Variants in REPS2 observed in about 807,000 individuals in gnomAD.
REPS2 encodes the protein RALBP1 associated Eps domain containing 2, also known as ralBP1-associated Eps domain-containing protein 2.
A neutral mutation model predicts 53.6 loss-of-function variants in REPS2; 23 were observed. The ratio of observed to expected loss-of-function variants is 0.43; its 90% confidence interval spans 0.31 to 0.61. REPS2 has a LOEUF of 0.61. REPS2 is among the 20% of genes least tolerant of loss of function. REPS2 has a pLI of 0.11. For missense variants in REPS2, 446 were observed against 534.9 expected, an observed-to-expected ratio of 0.83 and a Z score of 1.64; for synonymous variants, 238 against 218.6, an observed-to-expected ratio of 1.09 and a Z score of -0.78.
chrX:17,092,059 G>C (rs112829593), intron 13 of REPS2, among the ~76,000 whole-genome samples: 2,809 of 111,367 alleles, frequency 0.025, 92 homozygotes, highest in African/African-American at 0.087. Context: ...TCCTAGTTAG[G>C]GGGGATGGGA....
At chrX:17,192,218 G>A in the REPS2 span, among the ~76,000 whole-genome samples, 234 of 112,581 alleles carry the variant, frequency 2.1e-3, 2 homozygotes, top group African/African-American at 7.2e-3. Context: ...GCACGCATGA[G>A]CGTGCATGTG....
chrX:17,095,909 T>A (rs996277927), intron 13 of REPS2, among the ~76,000 whole-genome samples: 7 of 112,059 alleles, frequency 6.2e-5, no homozygotes, highest in African/African-American at 2.3e-4. Flanking sequence ...CTTTCTCAGA[T>A]CTGTCTAGTC....
At chrX:17,118,156 T>C (rs1176898181) in intron 14 of REPS2, among the ~76,000 whole-genome samples, 1 of 105,766 alleles carries the variant, frequency 9.5e-6, no homozygotes, top group Non-Finnish European at 1.9e-5. Flanking sequence ...AGACGGGGTT[T>C]CACCATTTTA....
chrX:16,947,151 C>G lies in REPS2; in HGVS notation c.273+17C>G. On this transcript the variant is annotated intron_variant, in intron 1 of 17. Coordinates refer to ENST00000357277, the MANE Select transcript of REPS2 (RefSeq NM_004726.3). ...CTGCACCAGGTGGGTCCCTCCGCCTCCTGTCCCTGCGGGTCTGTGGGGCAG... is the reference window on the plus strand; with the variant it reads ...CTGCACCAGGTGGGTCCCTCCGCCTGCTGTCCCTGCGGGTCTGTGGGGCAG... 9.5e-7 allele frequency: 1 copy of G among 1,049,395 alleles called. No individual in the cohort carries two copies. Among genetic ancestry groups the G allele is most frequent in the Non-Finnish European group, 1.2e-6 (1 of 819,561 alleles). 86.5% of individuals were successfully genotyped at this position (1,049,395 alleles called of 1,213,427 possible). A position where few individuals can be genotyped will look rare whatever the true frequency, so the allele number is the denominator to read the frequency against.
At chrX:17,023,427 C>CAA (rs11304206) in intron 3 of REPS2, among the ~76,000 whole-genome samples, 1 of 86,661 alleles carries the variant, frequency 1.2e-5, no homozygotes. Flanking sequence ...GACTGTGTCT[C>CAA]AAAAAAAAAA....
At chrX:17,136,396 C>T (rs759709606) in intron 16 of REPS2, 2 of 110,810 alleles carry the variant, frequency 1.8e-5, no homozygotes, top group African/African-American at 3.3e-5. Context: ...ATATTTTGTT[C>T]ATCACATTCA....
At chrX:17,092,265 C>T (rs1206316291) in intron 13 of REPS2, among the ~76,000 whole-genome samples, 1 of 111,855 alleles carries the variant, frequency 8.9e-6, no homozygotes, top group Non-Finnish European at 1.9e-5. Context: ...TTATGAATAA[C>T]ATTTTACCTA....
At chrX:17,048,525 C>T (rs1229807126) in intron 6 of REPS2, among the ~76,000 whole-genome samples, 1 of 112,504 alleles carries the variant, frequency 8.9e-6, no homozygotes, top group African/African-American at 3.2e-5. Flanking sequence ...TTGTATCTTG[C>T]AGAATTTCAG....
chrX:17,118,395 C>T (rs1320268404), intron 14 of REPS2, among the ~76,000 whole-genome samples: 1 of 111,231 alleles, frequency 9.0e-6, no homozygotes, highest in African/African-American at 3.3e-5. Context: ...TGATTTGGCC[C>T]CACAGAGACC....
chrX:17,063,951 C>CACAG (rs1350402441), intron 9 of REPS2, among the ~76,000 whole-genome samples: 49 of 108,086 alleles, frequency 4.5e-4, no homozygotes, highest in Non-Finnish European at 8.3e-4. Flanking sequence ...CACACACACA[C>CACAG]AGTCTCTCTC....
chrX:17,115,402 G>A (rs774924052), intron 14 of REPS2, among the ~76,000 whole-genome samples: 5 of 112,486 alleles, frequency 4.4e-5, no homozygotes, highest in Admixed American at 1.9e-4. Flanking sequence ...GCCCTAAGGC[G>A]GTTTTCCCCT....
chrX:16,965,772 A>C (rs2060754511), intron 1 of REPS2, among the ~76,000 whole-genome samples: 1 of 112,359 alleles, frequency 8.9e-6, no homozygotes, highest in Admixed American at 9.3e-5. Flanking sequence ...TGGGAGGTGG[A>C]GGTTGTAGTG....
intron 11 of REPS2, among the ~76,000 whole-genome samples, chrX:17,071,363 C>CT (rs5901605): frequency 6.4e-4 from 62 of 96,367 alleles, no homozygotes; most frequent in African/African-American, 1.0e-3. Context: ...ACTTTTCCTA[C>CT]TTTTTTTTTT....
At chrX:17,138,159 A>G (rs912392434) in intron 16 of REPS2, 1 of 112,670 alleles carries the variant, frequency 8.9e-6, no homozygotes, top group African/African-American at 3.2e-5. Flanking sequence ...GTGCTAATGT[A>G]CTTATGCTGG....
the REPS2 span, among the ~76,000 whole-genome samples, chrX:17,166,404 A>T: frequency 8.9e-6 from 1 of 112,105 alleles, no homozygotes; most frequent in Non-Finnish European, 1.9e-5. Context: ...ATGGGGGAAA[A>T]TAATAAATGA....
At chrX:17,187,765 T>C in the REPS2 span, among the ~76,000 whole-genome samples, 1 of 112,234 alleles carries the variant, frequency 8.9e-6, no homozygotes, top group East Asian at 2.8e-4. Flanking sequence ...TTCAGACCTT[T>C]GGGGACCACC....
the REPS2 span, among the ~76,000 whole-genome samples, chrX:17,173,426 G>A: frequency 2.7e-5 from 3 of 112,565 alleles, no homozygotes; most frequent in Non-Finnish European, 5.6e-5. Context: ...GGCCCTCTCT[G>A]TAGGCAGTTC....
intron 13 of REPS2, among the ~76,000 whole-genome samples, chrX:17,089,734 G>T (rs758987868): frequency 8.9e-6 from 1 of 112,255 alleles, no homozygotes; most frequent in Admixed American, 9.4e-5. Flanking sequence ...TTGCTGAATA[G>T]TATTCCATTA....
chrX:17,067,821 G>A (rs2062245468), intron 9 of REPS2, among the ~76,000 whole-genome samples: 1 of 111,699 alleles, frequency 9.0e-6, no homozygotes, highest in Non-Finnish European at 1.9e-5. Context: ...GACCAGAGTT[G>A]CTATGCAATT....
Sources: allele counts gnomAD v4.1 joint callset (sites outside exome capture counted in the v4.1 genomes callset), GRCh38; gene constraint gnomAD v4.1.1; transcripts MANE v1.5; gene names NCBI Gene and HGNC (gene_info 2026-07-23, HGNC 2026-07-21).